The following CNTNAP2 variants were observed in gnomAD, a reference collection of about 807,000 sequenced individuals.
CNTNAP2 encodes the protein contactin associated protein 2.
CNTNAP2 carries 98 observed loss-of-function variants against 155.2 expected under a neutral mutation model. The ratio of observed to expected loss-of-function variants is 0.63; its 90% CI spans 0.54 to 0.75. CNTNAP2 has a LOEUF of 0.75. CNTNAP2 is among the 30% of genes least tolerant of loss of function. The pLI is 0.00. For synonymous variants in CNTNAP2, 651 were observed against 631.2 expected (o/e 1.03, Z -0.47); for missense variants, 1,727 against 1,688.1 (o/e 1.02, Z -0.40).
At chr7:146,944,741 G>A (rs1465012092) in intron 3 of CNTNAP2, among the ~76,000 whole-genome samples, 2 of 152,048 alleles carry the variant, frequency 1.3e-5, no homozygotes, top group African/African-American at 2.4e-5. Flanking sequence ...TGCTGGACGT[G>A]GTGGAGGGCG....
At chr7:147,901,270 T>A (rs555872144) in intron 13 of CNTNAP2, among the ~76,000 whole-genome samples, 89 of 152,348 alleles carry the variant, frequency 5.8e-4, no homozygotes, top group African/African-American at 2.0e-3. Context: ...ATCTTTCATC[T>A]TCCTGTTGAT....
intron 4 of CNTNAP2, among the ~76,000 whole-genome samples, chr7:147,044,321 GT>G (rs200200006): frequency 1.7e-3 from 258 of 151,752 alleles, no homozygotes; most frequent in Non-Finnish European, 3.1e-3. Flanking sequence ...ATTTGGAAAG[GT>G]TTTTTTTGTT....
At chr7:147,351,772 G>C (rs1243309283) in intron 9 of CNTNAP2, among the ~76,000 whole-genome samples, 1 of 151,744 alleles carries the variant, frequency 6.6e-6, no homozygotes, top group Non-Finnish European at 1.5e-5. Flanking sequence ...ATTATTAAAA[G>C]GAAAGCTTCA....
chr7:146,539,657 T>C (rs1346558273), intron 1 of CNTNAP2, among the ~76,000 whole-genome samples: 1 of 152,104 alleles, frequency 6.6e-6, no homozygotes, highest in African/African-American at 2.4e-5. Flanking sequence ...GCTGAAGAAC[T>C]GTAGATTTAG....
intron 8 of CNTNAP2, among the ~76,000 whole-genome samples, chr7:147,168,233 A>C (rs1244144450): frequency 6.6e-6 from 1 of 151,078 alleles, no homozygotes; most frequent in East Asian, 1.9e-4. Flanking sequence ...TGTCACTTGA[A>C]AATTTGTGTA....
chr7:146,177,875 A>G lies in CNTNAP2; in HGVS notation c.97+60902A>G, dbSNP rs1016411270. On this transcript the variant is annotated intron_variant, in intron 1 of 23. Coordinates refer to ENST00000361727, the MANE Select transcript of CNTNAP2 (RefSeq NM_014141.6). ...GTTCTTATTGTTTCTGTTGTTTCAT[A>G]AATTTTAGAAGCCTCCAATTTTAGA... Among the ~76,000 whole-genome samples, 5 of 152,212 alleles carry G rather than the reference A, an allele frequency of 3.3e-5. No homozygotes were observed. The East Asian group carries it at 9.7e-4, about 29-fold the overall frequency.
chr7:147,063,156 T>C (rs1365465176), intron 4 of CNTNAP2, among the ~76,000 whole-genome samples: 2 of 152,202 alleles, frequency 1.3e-5, no homozygotes, highest in African/African-American at 2.4e-5. Context: ...CAGAACCGTA[T>C]TGGATTTGGT....
intron 3 of CNTNAP2, among the ~76,000 whole-genome samples, chr7:146,956,302 G>C (rs188131350): frequency 6.6e-6 from 1 of 152,106 alleles, no homozygotes; most frequent in South Asian, 2.1e-4. Context: ...AAATGGTTGC[G>C]TAAGTATCTA....
intron 9 of CNTNAP2, among the ~76,000 whole-genome samples, chr7:147,328,720 T>A (rs1242532081): frequency 2.0e-5 from 3 of 152,152 alleles, no homozygotes; most frequent in Non-Finnish European, 4.4e-5. Flanking sequence ...TAAAAATCAT[T>A]GGAGAGGAAG....
intron 1 of CNTNAP2, among the ~76,000 whole-genome samples, chr7:146,595,299 C>G (rs1798843978): frequency 6.6e-6 from 1 of 151,994 alleles, no homozygotes; most frequent in African/African-American, 2.4e-5. Context: ...CTAACATTGT[C>G]ACATGCCTCA....
chr7:148,241,478 C>T (rs1355790184), intron 20 of CNTNAP2, among the ~76,000 whole-genome samples: 2 of 152,194 alleles, frequency 1.3e-5, no homozygotes, highest in East Asian at 3.9e-4. Context: ...GAAAGACCAT[C>T]AGTCATACAG....
At chr7:147,858,247 C>A (rs1799075049) in intron 13 of CNTNAP2, among the ~76,000 whole-genome samples, 2 of 152,224 alleles carry the variant, frequency 1.3e-5, no homozygotes, top group East Asian at 1.9e-4. Flanking sequence ...CCACCATGCC[C>A]AGCTAACTTT....
chr7:146,903,043 G>A (rs1026706523), intron 3 of CNTNAP2, among the ~76,000 whole-genome samples: 1 of 152,186 alleles, frequency 6.6e-6, no homozygotes, highest in African/African-American at 2.4e-5. Context: ...TACCGATATT[G>A]GGAGCAAGAG....
At position 146,300,801 on chromosome 7, in the gene CNTNAP2, T is replaced by C. The variant is rs560428995; in HGVS notation, c.97+183828T>C. Among the ~76,000 whole-genome samples the C allele has an allele frequency of 8.5e-5, 13 of 152,278 alleles. No individual in the cohort carries two copies. In the East Asian group the frequency reaches 1.5e-3, roughly 18 times the overall value. ...AAAGCAGCAACATAAATGTATGTCA[T>C]TGGGATTCTACAATGGGTTTGCTGT... On this transcript the variant is annotated intron_variant, in intron 1 of 23. Coordinates refer to ENST00000361727, the MANE Select transcript of CNTNAP2 (RefSeq NM_014141.6).
intron 1 of CNTNAP2, among the ~76,000 whole-genome samples, chr7:146,724,055 C>A (rs1801385949): frequency 6.6e-6 from 1 of 152,110 alleles, no homozygotes; most frequent in African/African-American, 2.4e-5. Context: ...CCCACATTTT[C>A]ATTTGCTAGA....
At chr7:146,529,000 T>C (rs1797730538) in intron 1 of CNTNAP2, among the ~76,000 whole-genome samples, 1 of 152,180 alleles carries the variant, frequency 6.6e-6, no homozygotes, top group Admixed American at 6.5e-5. Context: ...AGTATCTTGA[T>C]ATTGTGTATT....
intron 13 of CNTNAP2, among the ~76,000 whole-genome samples, chr7:147,705,490 G>T (rs924602901): frequency 6.6e-6 from 1 of 152,140 alleles, no homozygotes; most frequent in African/African-American, 2.4e-5. Context: ...CCTGGGAAAT[G>T]TTCCATGTAC....
At chr7:148,244,697 G>T (rs190702995) in intron 20 of CNTNAP2, among the ~76,000 whole-genome samples, 1 of 151,706 alleles carries the variant, frequency 6.6e-6, no homozygotes, top group African/African-American at 2.4e-5. Flanking sequence ...CGAGTAGCTG[G>T]GACCACAGGC....
intron 13 of CNTNAP2, among the ~76,000 whole-genome samples, chr7:147,691,252 C>T (rs1796082650): frequency 6.6e-6 from 1 of 152,210 alleles, no homozygotes; most frequent in Non-Finnish European, 1.5e-5. Context: ...ACTGTAGGCA[C>T]AACACACTTT....
Sources: allele counts gnomAD v4.1 joint callset (sites outside exome capture counted in the v4.1 genomes callset), GRCh38; gene constraint gnomAD v4.1.1; transcripts MANE v1.5; gene names NCBI Gene and HGNC (gene_info 2026-07-23, HGNC 2026-07-21).